Variants in SETBP1 observed in about 807,000 individuals in gnomAD.
SETBP1 encodes the protein SET-binding protein.
Under a neutral mutation model 101.0 loss-of-function variants are expected in SETBP1, and 9 were observed. The observed-to-expected ratio is 0.09, with a 90% CI of 0.05 to 0.16. The LOEUF (loss-of-function observed/expected upper bound fraction) is 0.16. Among genes scored for constraint, SETBP1 ranks in the 10% least tolerant of loss-of-function variants. The pLI is 1.00. For synonymous variants in SETBP1, 818 were observed against 788.5 expected, an observed-to-expected ratio of 1.04 and a Z score of -0.63; for missense variants, 1,858 against 2,033.8, an observed-to-expected ratio of 0.91 and a Z score of 1.66.
intron 2 of SETBP1, among the ~76,000 whole-genome samples, chr18:44,771,062 C>T (rs1484890580): frequency 1.3e-5 from 2 of 151,834 alleles, no homozygotes; most frequent in Non-Finnish European, 2.9e-5. Flanking sequence ...CTCTGATAGC[C>T]TATGTCACTC....
chr18:44,947,266 C>T (rs2071228265), intron 3 of SETBP1, among the ~76,000 whole-genome samples: 1 of 151,952 alleles, frequency 6.6e-6, no homozygotes, highest in African/African-American at 2.4e-5. Context: ...ACGAAAAAAA[C>T]ATTAATTAGG....
intron 3 of SETBP1, among the ~76,000 whole-genome samples, chr18:44,895,420 A>G (rs959022810): frequency 1.4e-4 from 22 of 152,082 alleles, no homozygotes; most frequent in African/African-American, 4.8e-4. Context: ...AGAGAGTACT[A>G]TGCATTTTGA....
At chr18:44,774,696 T>G (rs1201659634) in intron 2 of SETBP1, among the ~76,000 whole-genome samples, 1 of 152,092 alleles carries the variant, frequency 6.6e-6, no homozygotes, top group African/African-American at 2.4e-5. Flanking sequence ...CTACAGACAC[T>G]CTGGAAAATA....
chr18:45,008,560 A>G (rs988860613), intron 4 of SETBP1, among the ~76,000 whole-genome samples: 1 of 152,246 alleles, frequency 6.6e-6, no homozygotes, highest in Non-Finnish European at 1.5e-5. Context: ...CTGCAGTTTG[A>G]TAGACCAGAT....
intron 2 of SETBP1, among the ~76,000 whole-genome samples, chr18:44,863,713 T>C (rs1017598133): frequency 2.0e-5 from 3 of 152,152 alleles, no homozygotes; most frequent in Non-Finnish European, 4.4e-5. Context: ...AATTTGAAAA[T>C]GGGTCATTTG....
chr18:44,877,087 G>C, intron 3 of SETBP1: 1 of 1,028,150 alleles, frequency 9.7e-7, no homozygotes, highest in East Asian at 8.4e-5. Flanking sequence ...AGCTTGCCTT[G>C]TATCAGCTAT....
At chr18:44,813,313 G>A (rs1477759776) in intron 2 of SETBP1, among the ~76,000 whole-genome samples, 1 of 152,164 alleles carries the variant, frequency 6.6e-6, no homozygotes, top group Non-Finnish European at 1.5e-5. Flanking sequence ...AAAACTTCTG[G>A]CTGTTTCCTG....
chr18:44,725,918 G>T (rs546087838), intron 2 of SETBP1, among the ~76,000 whole-genome samples: 2 of 152,268 alleles, frequency 1.3e-5, no homozygotes, highest in Admixed American at 1.3e-4. Context: ...GGTTAGAAAA[G>T]GGTGTAGGGT....
At chr18:44,931,304 C>G (rs975398597) in intron 3 of SETBP1, among the ~76,000 whole-genome samples, 1 of 152,130 alleles carries the variant, frequency 6.6e-6, no homozygotes, top group Non-Finnish European at 1.5e-5. Flanking sequence ...GTCTGAGAGA[C>G]AGTTTGTTAT....
At chr18:45,057,651 A>G (rs2073831300) in intron 5 of SETBP1, among the ~76,000 whole-genome samples, 1 of 152,172 alleles carries the variant, frequency 6.6e-6, no homozygotes. Flanking sequence ...AATGCACCCC[A>G]ACTCCAGGCA....
At chr18:44,953,713 T>C (rs1259938217) in intron 4 of SETBP1, among the ~76,000 whole-genome samples, 1 of 152,188 alleles carries the variant, frequency 6.6e-6, no homozygotes, top group Non-Finnish European at 1.5e-5. Context: ...GGAATACTAA[T>C]AAGATCCAAG....
At chr18:44,760,930 A>G (rs900098298) in intron 2 of SETBP1, among the ~76,000 whole-genome samples, 2 of 152,226 alleles carry the variant, frequency 1.3e-5, no homozygotes, top group African/African-American at 4.8e-5. Context: ...AATCCTTTGC[A>G]TATGGCTGAT....
intron 2 of SETBP1, among the ~76,000 whole-genome samples, chr18:44,855,285 T>A (rs961180426): frequency 2.0e-5 from 3 of 152,158 alleles, no homozygotes; most frequent in African/African-American, 4.8e-5. Flanking sequence ...GTTTTGGGGT[T>A]TTTATTTGTT....
chr18:44,702,362 T>C (rs1461648444), intron 2 of SETBP1, among the ~76,000 whole-genome samples: 1 of 152,174 alleles, frequency 6.6e-6, no homozygotes, highest in African/African-American at 2.4e-5. Flanking sequence ...TCTGTACTTA[T>C]CTACTCGTTA....
intron 2 of SETBP1, among the ~76,000 whole-genome samples, chr18:44,751,401 C>T (rs1396071090): frequency 6.6e-6 from 1 of 152,178 alleles, no homozygotes; most frequent in Non-Finnish European, 1.5e-5. Flanking sequence ...GAGAGGTTAT[C>T]AGATCAGCAA....
Position 44,766,595 on chromosome 18 carries a change from T to C in SETBP1, c.486+64763T>C, listed in dbSNP as rs76307673. ...TATATAGACTTCCAGTTTTGCACAA[T>C]GAAAAGAGTTCTGTGGATGGATGGT... On this transcript the variant is annotated intron_variant, in intron 2 of 5. Coordinates refer to ENST00000649279, the MANE Select transcript of SETBP1 (RefSeq NM_015559.3). Among the ~76,000 whole-genome samples, 859 of 152,280 alleles carry C rather than the reference T, an allele frequency of 5.6e-3. 5 individuals are homozygous for C. The highest frequency in any genetic ancestry group is 0.01 in the Middle Eastern group (3 of 294).
intron 4 of SETBP1, among the ~76,000 whole-genome samples, chr18:45,004,937 G>A (rs965709125): frequency 4.6e-5 from 7 of 152,200 alleles, no homozygotes; most frequent in African/African-American, 1.7e-4. Context: ...ATCATGGTCA[G>A]GGAACATACC....
intron 1 of SETBP1, among the ~76,000 whole-genome samples, chr18:44,700,453 AT>A (rs2069096788): frequency 6.6e-6 from 1 of 152,204 alleles, no homozygotes; most frequent in East Asian, 1.9e-4. Flanking sequence ...ATTGATAATG[AT>A]TAAATTTCTC....
At chr18:44,849,249 A>G (rs2072796856) in intron 2 of SETBP1, among the ~76,000 whole-genome samples, 1 of 152,126 alleles carries the variant, frequency 6.6e-6, no homozygotes, top group South Asian at 2.1e-4. Context: ...GATATGCCAA[A>G]AAGACAGATA....
Sources: gnomAD v4.1 joint callset for allele counts (sites outside exome capture counted in the v4.1 genomes callset) on GRCh38, gnomAD v4.1.1 for gene constraint, MANE v1.5 for transcripts, NCBI Gene and HGNC (gene_info 2026-07-23, HGNC 2026-07-21) for gene names.